The following ASTN2 variants were observed in gnomAD, a reference collection of about 807,000 sequenced individuals.
The protein encoded by ASTN2 is astrotactin-2.
In ASTN2, 54 loss-of-function variants were observed where a neutral mutation model predicts 139.8. The ratio of observed to expected loss-of-function variants is 0.39; its 90% CI spans 0.31 to 0.48. The LOEUF (loss-of-function observed/expected upper bound fraction) is 0.48. Ranked by LOEUF, ASTN2 falls within the 20% of genes least tolerant of loss-of-function variation. The pLI is 0.95. For synonymous variants in ASTN2, 756 were observed against 719.5 expected, an observed-to-expected ratio of 1.05 and a Z score of -0.81; for missense variants, 1,565 against 1,725.1, an observed-to-expected ratio of 0.91 and a Z score of 1.64.
At chr9:116,554,637 G>A (rs1179436963) in intron 19 of ASTN2, among the ~76,000 whole-genome samples, 13 of 152,066 alleles carry the variant, frequency 8.5e-5, no homozygotes, top group Non-Finnish European at 1.9e-4. Flanking sequence ...AGAGACCAAG[G>A]CTCTGGCTCA....
chr9:116,992,055 C>T (rs1836874443), intron 7 of ASTN2, among the ~76,000 whole-genome samples: 1 of 152,190 alleles, frequency 6.6e-6, no homozygotes, highest in Admixed American at 6.5e-5. Flanking sequence ...CAGAAACCAG[C>T]ACCACCTTCA....
intron 19 of ASTN2, among the ~76,000 whole-genome samples, chr9:116,556,835 T>C (rs1462521717): frequency 1.3e-5 from 2 of 152,180 alleles, no homozygotes; most frequent in Admixed American, 6.5e-5. Context: ...GCTGAAGTCA[T>C]TAGTATATAT....
chr9:117,358,709 A>G (rs903597381), intron 1 of ASTN2, among the ~76,000 whole-genome samples: 4 of 152,152 alleles, frequency 2.6e-5, no homozygotes, highest in Non-Finnish European at 5.9e-5. Flanking sequence ...AGAGAAACGA[A>G]GAAAGTTCAT....
chr9:116,744,695 G>C (rs771634855), intron 13 of ASTN2, among the ~76,000 whole-genome samples: 2 of 152,100 alleles, frequency 1.3e-5, no homozygotes, highest in Non-Finnish European at 2.9e-5. Context: ...CTCCTGTGCT[G>C]ACTCCAGAGA....
At chr9:116,819,634 T>C (rs1290475021) in intron 12 of ASTN2, among the ~76,000 whole-genome samples, 2 of 152,244 alleles carry the variant, frequency 1.3e-5, no homozygotes, top group African/African-American at 4.8e-5. Flanking sequence ...TTGTTACATG[T>C]CCTGTTCTGC....
intron 19 of ASTN2, among the ~76,000 whole-genome samples, chr9:116,563,586 G>A (rs544867698): frequency 6.6e-6 from 1 of 151,802 alleles, no homozygotes; most frequent in Non-Finnish European, 1.5e-5. Context: ...ATCTCCTTCC[G>A]ATCTTTGCTC....
At chr9:116,501,147 C>T (rs937822804) in intron 19 of ASTN2, among the ~76,000 whole-genome samples, 1 of 152,170 alleles carries the variant, frequency 6.6e-6, no homozygotes, top group Non-Finnish European at 1.5e-5. Flanking sequence ...AGAACCCAAG[C>T]TCCAAACCCA....
At chr9:117,130,746 C>T (rs1336711713) in intron 4 of ASTN2, among the ~76,000 whole-genome samples, 1 of 152,168 alleles carries the variant, frequency 6.6e-6, no homozygotes, top group East Asian at 1.9e-4. Flanking sequence ...TTGCTATACA[C>T]ACACACATAC....
intron 10 of ASTN2, among the ~76,000 whole-genome samples, chr9:116,972,837 C>T (rs1441380169): frequency 1.3e-5 from 2 of 152,184 alleles, no homozygotes; most frequent in African/African-American, 4.8e-5. Flanking sequence ...TACTGTAATG[C>T]TTACCTTCCG....
chr9:116,682,145 C>A (rs945485852), intron 16 of ASTN2, among the ~76,000 whole-genome samples: 18 of 152,036 alleles, frequency 1.2e-4, no homozygotes, highest in Non-Finnish European at 2.2e-4. Flanking sequence ...GGGCTAATAT[C>A]CAGAATCTAC....
intron 16 of ASTN2, among the ~76,000 whole-genome samples, chr9:116,677,380 C>G (rs577379846): frequency 6.6e-6 from 1 of 152,212 alleles, no homozygotes; most frequent in South Asian, 2.1e-4. Flanking sequence ...CTCTCAAAAT[C>G]AAACACTCTG....
intron 2 of ASTN2, among the ~76,000 whole-genome samples, chr9:117,257,726 T>C (rs575065253): frequency 2.0e-5 from 3 of 152,322 alleles, no homozygotes; most frequent in South Asian, 2.1e-4. Flanking sequence ...GGAAATGATA[T>C]ATACCTCTCT....
intron 16 of ASTN2, among the ~76,000 whole-genome samples, chr9:116,710,733 CAAAAAAAAA>C (rs57745448): frequency 2.8e-5 from 2 of 72,578 alleles, no homozygotes; most frequent in Non-Finnish European, 5.1e-5. Flanking sequence ...AACTCCGTCT[CAAAAAAAAA>C]AAAAAAAAAA....
intron 7 of ASTN2, among the ~76,000 whole-genome samples, chr9:116,991,810 C>G (rs1381494670): frequency 6.6e-6 from 1 of 152,126 alleles, no homozygotes; most frequent in South Asian, 2.1e-4. Context: ...CAAAACAGAG[C>G]CCAGCATTCA....
At chr9:117,278,023 G>T (rs1834235691) in intron 2 of ASTN2, among the ~76,000 whole-genome samples, 4 of 152,138 alleles carry the variant, frequency 2.6e-5, no homozygotes, top group Admixed American at 2.6e-4. Flanking sequence ...TTTACAGGGG[G>T]TAAAAATAAT....
intron 7 of ASTN2, among the ~76,000 whole-genome samples, chr9:116,990,742 T>C (rs1251754066): frequency 6.6e-6 from 1 of 152,224 alleles, no homozygotes; most frequent in Non-Finnish European, 1.5e-5. Context: ...CTCATTCTTT[T>C]ACAAAACATT....
At chr9:117,018,282 G>A (rs567583902) in intron 6 of ASTN2, among the ~76,000 whole-genome samples, 34 of 152,260 alleles carry the variant, frequency 2.2e-4, no homozygotes, top group Admixed American at 2.2e-3. Context: ...GCTCCCTGCA[G>A]CCTGTTTCCA....
intron 10 of ASTN2, among the ~76,000 whole-genome samples, chr9:116,953,664 A>T (rs945541983): frequency 6.3e-4 from 96 of 152,366 alleles, no homozygotes; most frequent in African/African-American, 2.1e-3. Context: ...ACAACAAAAA[A>T]GATGGGTTCC....
At chr9:116,599,782 G>A (rs567062998) in intron 19 of ASTN2, among the ~76,000 whole-genome samples, 2 of 152,254 alleles carry the variant, frequency 1.3e-5, no homozygotes, top group Admixed American at 1.3e-4. Context: ...ATGTCTGAGA[G>A]GGGAATTTTA....
Sources: allele counts gnomAD v4.1 joint callset (sites outside exome capture counted in the v4.1 genomes callset), GRCh38; gene constraint gnomAD v4.1.1; transcripts MANE v1.5; gene names NCBI Gene and HGNC (gene_info 2026-07-23, HGNC 2026-07-21).